The following AQP7B variants were observed in gnomAD, a reference collection of about 807,000 sequenced individuals.
The protein encoded by AQP7B is putative aquaporin-7B.
At chr2:94,596,075 G>T in the AQP7B span, among the ~76,000 whole-genome samples, 1 of 152,248 alleles carries the variant, frequency 6.6e-6, no homozygotes, top group African/African-American at 2.4e-5. Flanking sequence ...CTGACTGCAT[G>T]ACAGAGGGGG....
chr2:94,591,703 C>T, the AQP7B span, among the ~76,000 whole-genome samples: 24 of 152,330 alleles, frequency 1.6e-4, no homozygotes, highest in Middle Eastern at 3.4e-3. Flanking sequence ...CATTCCTGCA[C>T]ATTGGATACT....
At chr2:94,587,925 A>C in the AQP7B span, among the ~76,000 whole-genome samples, 5 of 152,100 alleles carry the variant, frequency 3.3e-5, no homozygotes, top group Admixed American at 3.3e-4. Context: ...CTAGATAATC[A>C]GGAGGACAGA....
chr2:94,599,340 G>A, the AQP7B span, among the ~76,000 whole-genome samples: 1 of 151,948 alleles, frequency 6.6e-6, no homozygotes. Flanking sequence ...TCTGTCCTGG[G>A]GCTTCTGAGG....
chr2:94,589,436 ACCTTCTCAACAAGGATTACT>A, the AQP7B span, among the ~76,000 whole-genome samples: 1 of 151,958 alleles, frequency 6.6e-6, no homozygotes, highest in South Asian at 2.1e-4. Context: ...CTCCAAGGCC[ACCTTCTCAACAAGGATTACT>A]CTGACTGCCC....
the AQP7B span, chr2:94,603,140 C>T: frequency 6.5e-6 from 10 of 1,543,114 alleles, no homozygotes; most frequent in African/African-American, 4.1e-5. Context: ...TGGGCTCCTT[C>T]CTGGCAGCTG....
chr2:94,600,826 C>A, the AQP7B span, among the ~76,000 whole-genome samples: 7 of 151,658 alleles, frequency 4.6e-5, no homozygotes, highest in East Asian at 1.4e-3. Context: ...TTGCGGTGAG[C>A]CGAGATTGCA....
the AQP7B span, among the ~76,000 whole-genome samples, chr2:94,602,273 C>T: frequency 2.0e-5 from 3 of 151,860 alleles, no homozygotes; most frequent in Non-Finnish European, 2.9e-5. Context: ...CTGCTCCACC[C>T]GGCTCTCAGT....
At chr2:94,599,917 C>T in the AQP7B span, among the ~76,000 whole-genome samples, 1 of 149,758 alleles carries the variant, frequency 6.7e-6, no homozygotes, top group African/African-American at 2.5e-5. Flanking sequence ...CTTGCTCTGT[C>T]GCCCAGGCTG....
At chr2:94,601,347 A>G in the AQP7B span, among the ~76,000 whole-genome samples, 80 of 152,340 alleles carry the variant, frequency 5.3e-4, no homozygotes, top group Middle Eastern at 6.8e-3. Context: ...GTGAGATGGC[A>G]AACCTTCAAC....
At chr2:94,602,341 G>T in the AQP7B span, among the ~76,000 whole-genome samples, 6 of 151,888 alleles carry the variant, frequency 4.0e-5, no homozygotes, top group Admixed American at 1.3e-4. Flanking sequence ...AGGAGGGAAG[G>T]CTCTGGAGGA....
At chr2:94,603,815 T>C in the AQP7B span, 21 of 1,510,392 alleles carry the variant, frequency 1.4e-5, no homozygotes, top group South Asian at 2.3e-4. Context: ...AGCATCCTCG[T>C]GGTCATCATC....
At chr2:94,599,917 C>A in the AQP7B span, among the ~76,000 whole-genome samples, 1 of 149,760 alleles carries the variant, frequency 6.7e-6, no homozygotes, top group Non-Finnish European at 1.5e-5. Context: ...CTTGCTCTGT[C>A]GCCCAGGCTG....
At chr2:94,588,983 C>CTTTTTTTTTTTTT in the AQP7B span, among the ~76,000 whole-genome samples, 4 of 135,400 alleles carry the variant, frequency 3.0e-5, no homozygotes, top group Non-Finnish European at 4.8e-5. Flanking sequence ...GTTTTTTTTT[C>CTTTTTTTTTTTTT]TTTTTTTTTT....
chr2:94,591,392 G>A, the AQP7B span, among the ~76,000 whole-genome samples: 2 of 152,124 alleles, frequency 1.3e-5, no homozygotes, highest in African/African-American at 4.8e-5. Flanking sequence ...CTCTCTAACC[G>A]AACACCAAGC....
chr2:94,595,122 A>G, the AQP7B span, among the ~76,000 whole-genome samples: 17 of 152,032 alleles, frequency 1.1e-4, no homozygotes, highest in Admixed American at 1.1e-3. Context: ...AAATGGGGAG[A>G]AGGGAAACCC....
chr2:94,604,139 G>A, the AQP7B span: 6 of 817,698 alleles, frequency 7.3e-6, no homozygotes, highest in Non-Finnish European at 1.1e-5. Flanking sequence ...CCCTGAATCG[G>A]GCTGAGGCTG....
the AQP7B span, among the ~76,000 whole-genome samples, chr2:94,593,468 C>T: frequency 1.3e-5 from 2 of 149,362 alleles, no homozygotes; most frequent in Admixed American, 1.3e-4. Flanking sequence ...TATCTGTATC[C>T]CTCCTCTTCC....
At chr2:94,602,757 C>A in the AQP7B span, 189 of 933,632 alleles carry the variant, frequency 2.0e-4, 2 homozygotes, top group East Asian at 4.5e-3. Flanking sequence ...TCCTCTGAAC[C>A]CCGTGCCTAT....
the AQP7B span, among the ~76,000 whole-genome samples, chr2:94,598,305 C>T: frequency 6.6e-6 from 1 of 152,144 alleles, no homozygotes; most frequent in Admixed American, 6.6e-5. Context: ...CCATTTATTG[C>T]AGCCAGGACG....
Sources: gnomAD v4.1 joint callset for allele counts (sites outside exome capture counted in the v4.1 genomes callset) on GRCh38, gnomAD v4.1.1 for gene constraint, MANE v1.5 for transcripts, NCBI Gene and HGNC (gene_info 2026-07-23, HGNC 2026-07-21) for gene names.